The following CDYL variants were observed in gnomAD, a reference collection of about 807,000 sequenced individuals.
The protein encoded by CDYL is chromodomain Y like, also known as chromodomain Y-like protein.
A neutral mutation model predicts 47.3 loss-of-function variants in CDYL; 8 were observed. The ratio of observed to expected loss-of-function variants is 0.17; its 90% CI spans 0.10 to 0.31. The LOEUF (loss-of-function observed/expected upper bound fraction) is 0.31. Among genes scored for constraint, CDYL ranks in the 10% least tolerant of loss-of-function variants. The probability of loss-of-function intolerance (pLI) is 1.00; values close to 1 mark genes in which losing one functional copy is unlikely to be tolerated. For synonymous variants in CDYL, 266 were observed against 265.0 expected (o/e 1.00, Z -0.04); for missense variants, 471 against 701.4 (o/e 0.67, Z 3.71).
At chr6:4,883,479 C>T (rs1761819119) in intron 1 of CDYL, among the ~76,000 whole-genome samples, 1 of 152,204 alleles carries the variant, frequency 6.6e-6, no homozygotes, top group East Asian at 1.9e-4. Context: ...CTGCACCTGC[C>T]ACACAGAACA....
intron 1 of CDYL, among the ~76,000 whole-genome samples, chr6:4,830,170 T>C (rs927148742): frequency 7.2e-5 from 11 of 152,382 alleles, no homozygotes; most frequent in African/African-American, 2.2e-4. Context: ...GCACCATCCC[T>C]GCAACTGTGA....
In CDYL at chr6:4,804,608, C is replaced by T. The variant is rs145755501; in HGVS notation, c.24+27801C>T. On this transcript the variant is annotated intron_variant, in intron 1 of 6. Coordinates refer to ENST00000397588, the MANE Select transcript of CDYL (RefSeq NM_004824.4). The stretch of plus-strand genomic sequence containing the variant: ...TTTGCTCATCACTCTCGCCCCACTG[C>T]TGTAAATAACAGAATGGCCCTCGCT... Among the ~76,000 whole-genome samples the T allele has an allele frequency of 1.1e-3, 168 of 152,300 alleles. 5 individuals carry two copies. Among genetic ancestry groups the T allele is most frequent in the Admixed American group, 8.0e-3 (122 of 15,306 alleles).
Position 4,937,594 on chromosome 6 carries a change from C to T in CDYL, c.978C>T (p.Ser326=). 6.3e-7 allele frequency: 1 copy of T among 1,595,086 alleles called. No homozygotes were observed. Among genetic ancestry groups the T allele is most frequent in the Non-Finnish European group, 8.5e-7 (1 of 1,172,326 alleles). The change falls in exon 4 of 7, where the codon AGC becomes AGT. Residue 326 remains serine, a synonymous_variant. Coordinates refer to ENST00000397588, the MANE Select transcript of CDYL (RefSeq NM_004824.4). ...EVMREVQSAL[S]TAAADDSKLV... ...TGAGAGAAGTCCAGAGTGCTCTGAGCACGGCCGCTGCCGATGACAGCAAGC... is the reference window on the plus strand; with the variant it reads ...TGAGAGAAGTCCAGAGTGCTCTGAGTACGGCCGCTGCCGATGACAGCAAGC...
chr6:4,763,252 A>T (rs1402516840), intron 3 of CDYL, among the ~76,000 whole-genome samples: 1 of 152,204 alleles, frequency 6.6e-6, no homozygotes, highest in Non-Finnish European at 1.5e-5. Context: ...ATGTTTTTAT[A>T]GCAGAAGGAA....
At chr6:4,736,708 T>TC (rs1177404933) in intron 3 of CDYL, among the ~76,000 whole-genome samples, 2 of 152,104 alleles carry the variant, frequency 1.3e-5, no homozygotes, top group South Asian at 2.1e-4. Context: ...GCTTTTTTTT[T>TC]CCCTCATAAC....
At chr6:4,772,442 A>G (rs992218623), upstream of CDYL, among the ~76,000 whole-genome samples, 2 of 152,252 alleles carry the variant, frequency 1.3e-5, no homozygotes, top group Non-Finnish European at 1.5e-5. Flanking sequence ...GGTTGACCAG[A>G]AAAAGGTACT....
chr6:4,869,514 GTTTA>G (rs576079594), intron 1 of CDYL, among the ~76,000 whole-genome samples: 32 of 152,238 alleles, frequency 2.1e-4, no homozygotes, highest in African/African-American at 5.8e-4. Flanking sequence ...TCTCTTGTCA[GTTTA>G]TTTATCCTTT....
chr6:4,952,354 C>T lies in CDYL; in HGVS notation c.1421C>T (p.Thr474Met), dbSNP rs746598692. The T allele has an allele frequency of 1.9e-6, 3 of 1,614,184 alleles. No homozygotes were observed. The highest frequency in any genetic ancestry group is 1.3e-5 in the African/African-American group (1 of 75,042). The stretch of plus-strand genomic sequence containing the variant: ...GTCTCCCAGGTGTTTTGGCCCGGGA[C>T]GTTCACTCAGGAAGTGATGGTTCGC... ...GLVSQVFWPG[T>M]FTQEVMVRIK... The change falls in exon 6 of 7, where the codon ACG becomes ATG. Residue 474 changes from threonine (T) to methionine (M), a missense_variant. By Grantham distance (81) the Thr-to-Met change is moderately conservative. Around this residue, in one of 3 missense-constraint regions of CDYL, gnomAD observed 103 missense variants for 277.1 expected, o/e 0.37. Transcript: ENST00000397588.
At chr6:4,911,704 A>G (rs1481892157) in intron 2 of CDYL, among the ~76,000 whole-genome samples, 3 of 152,226 alleles carry the variant, frequency 2.0e-5, no homozygotes, top group Non-Finnish European at 4.4e-5. Context: ...AATTTTCAAA[A>G]TTATTTAACT....
intron 2 of CDYL, among the ~76,000 whole-genome samples, chr6:4,899,824 C>T (rs1756964644): frequency 6.6e-6 from 1 of 152,190 alleles, no homozygotes; most frequent in African/African-American, 2.4e-5. Context: ...GCAGCCATAT[C>T]CCGAGGGGAA....
chr6:4,900,785 A>ATGTATGTATG (rs1279182436), intron 2 of CDYL, among the ~76,000 whole-genome samples: 5 of 31,552 alleles, frequency 1.6e-4, no homozygotes, highest in East Asian at 1.7e-3. Flanking sequence ...GTGTGTATAT[A>ATGTATGTATG]TATATATATA....
chr6:4,770,171 C>G (rs1187834212), intron 3 of CDYL, among the ~76,000 whole-genome samples: 4 of 152,098 alleles, frequency 2.6e-5, no homozygotes, highest in African/African-American at 9.7e-5. Flanking sequence ...TAATGTCTAT[C>G]TATCCTAATA....
chr6:4,908,654 C>T (rs192357352), intron 2 of CDYL, among the ~76,000 whole-genome samples: 56 of 152,300 alleles, frequency 3.7e-4, no homozygotes, highest in African/African-American at 1.3e-3. Flanking sequence ...CATACGTCAC[C>T]TCTGAGCTTA....
At position 4,902,981 on chromosome 6, in the gene CDYL, A is replaced by G. The variant is rs145211154; in HGVS notation, c.691+10602A>G. 4.3e-3 allele frequency among the ~76,000 whole-genome samples: 648 copies of G among 152,352 alleles called. 8 individuals carry two copies. Among genetic ancestry groups the G allele is most frequent in the African/African-American group, 0.014 (602 of 41,592 alleles). On this transcript the variant is annotated intron_variant, in intron 2 of 6. Coordinates refer to ENST00000397588, the MANE Select transcript of CDYL (RefSeq NM_004824.4). ...TTCAGTGGTCTTTAGAATCTCCTAC[A>G]TTGCCTAGTCCAATTGTTTACACAC...
chr6:4,878,036 C>T (rs1561683143), intron 1 of CDYL, among the ~76,000 whole-genome samples: 1 of 152,066 alleles, frequency 6.6e-6, no homozygotes. Context: ...TGGCTTTTCT[C>T]TTCTATTCTC....
At chr6:4,786,149 A>T (rs1758750286) in intron 1 of CDYL, among the ~76,000 whole-genome samples, 1 of 152,188 alleles carries the variant, frequency 6.6e-6, no homozygotes, top group African/African-American at 2.4e-5. Flanking sequence ...TCTCCTAAGG[A>T]GGTGGAGGTG....
Position 4,954,261 on chromosome 6 carries a change from TGTCCAAACGTCATTA to T in CDYL, c.*206_*220del. On this transcript the variant is annotated 3_prime_UTR_variant, in exon 7 of 7. Coordinates refer to ENST00000397588, the MANE Select transcript of CDYL (RefSeq NM_004824.4). ...AAAATAAATAACTACAAAGCTTCTT[TGTCCAAACGTCATTA>T]TTTTATACTTATATACACGCAGGTG... 3 of 484,708 alleles carry T rather than the reference TGTCCAAACGTCATTA, an allele frequency of 6.2e-6. No homozygotes were observed. Among genetic ancestry groups the T allele is most frequent in the South Asian group, 4.1e-5 (1 of 24,690 alleles). 30.0% of individuals were successfully genotyped at this position (484,708 alleles called of 1,614,324 possible).
chr6:4,755,018 G>C (rs757214633), intron 3 of CDYL, among the ~76,000 whole-genome samples: 1 of 151,262 alleles, frequency 6.6e-6, no homozygotes, highest in African/African-American at 2.4e-5. Flanking sequence ...TTAAGCCTTT[G>C]TCCTGTTTGT....
chr6:4,899,579 C>T (rs1561696796), intron 2 of CDYL, among the ~76,000 whole-genome samples: 1 of 152,164 alleles, frequency 6.6e-6, no homozygotes, highest in Admixed American at 6.5e-5. Flanking sequence ...CGTCTCGGCC[C>T]AGTTTCATCT....
Sources: gnomAD v4.1 joint callset for allele counts (sites outside exome capture counted in the v4.1 genomes callset) on GRCh38, gnomAD v4.1.1 for gene constraint, gnomAD v4.1.1 regional missense constraint, MANE v1.5 for transcripts, NCBI Gene and HGNC (gene_info 2026-07-23, HGNC 2026-07-21) for gene names.